Variants in ZNF254 observed in about 807,000 individuals in gnomAD.
ZNF254 encodes the protein zinc finger protein 254.
ZNF254 carries 10 observed loss-of-function variants against 12.4 expected under a neutral mutation model. That is an observed-to-expected ratio of 0.80 (90% CI 0.50 to 1.36). ZNF254 has a LOEUF of 1.36. Among genes scored for constraint, ZNF254 ranks in the 40% most tolerant of loss-of-function variants. The probability of loss-of-function intolerance (pLI) is 0.00; values close to 1 mark genes in which losing one functional copy is unlikely to be tolerated. For synonymous variants in ZNF254, 305 were observed against 253.4 expected, an observed-to-expected ratio of 1.20 and a Z score of -1.93; for missense variants, 996 against 763.9, an observed-to-expected ratio of 1.30 and a Z score of -3.58.
intron 3 of ZNF254, among the ~76,000 whole-genome samples, chr19:24,117,366 T>G (rs1974157249): frequency 6.6e-6 from 1 of 152,182 alleles, no homozygotes; most frequent in Admixed American, 6.5e-5. Flanking sequence ...GCTTCCCGGC[T>G]GCTTTGTTTA....
rs1970259330 is a variant in ZNF254 at position 24,043,561 on chromosome 19, C to A, written c.-189-2623C>A. ...ACAGGCATGAGCCACTGTGCCCGGC[C>A]AAAGCAAAAAATTTTAAGAAACACC... is the stretch of plus-strand genomic sequence containing the variant. On this transcript the variant is annotated intron_variant, in intron 1 of 4. Transcript: ENST00000613065. Among the ~76,000 whole-genome samples, 3 of 151,888 alleles carry A rather than the reference C, an allele frequency of 2.0e-5. No homozygotes were observed. In the South Asian group the frequency reaches 6.2e-4, roughly 32 times the overall value.
chr19:24,068,948 G>A (rs944785253), intron 2 of ZNF254, among the ~76,000 whole-genome samples: 63 of 152,072 alleles, frequency 4.1e-4, no homozygotes, highest in African/African-American at 1.2e-3. Flanking sequence ...ATTCTATAAA[G>A]CCCTCGGGTG....
intron 2 of ZNF254, among the ~76,000 whole-genome samples, chr19:24,068,201 AG>A (rs2145465068): frequency 6.6e-6 from 1 of 152,174 alleles, no homozygotes; most frequent in South Asian, 2.1e-4. Context: ...ATCAGCCACC[AG>A]GTATGTGTCT....
intron 2 of ZNF254, among the ~76,000 whole-genome samples, chr19:24,050,401 C>T (rs1406169436): frequency 6.6e-6 from 1 of 152,146 alleles, no homozygotes; most frequent in African/African-American, 2.4e-5. Context: ...CTCAGCCAGT[C>T]CACCCGCCTT....
intron 2 of ZNF254, among the ~76,000 whole-genome samples, chr19:24,057,805 A>G (rs968299800): frequency 2.6e-5 from 4 of 152,330 alleles, no homozygotes; most frequent in African/African-American, 7.2e-5. Context: ...CTCTCATTCA[A>G]TGATTCAATT....
chr19:24,054,970 C>T (rs1354237474), intron 2 of ZNF254, among the ~76,000 whole-genome samples: 4 of 151,620 alleles, frequency 2.6e-5, no homozygotes, highest in African/African-American at 7.3e-5. Flanking sequence ...TTTGGGAGGC[C>T]GAGGTGGGTG....
chr19:24,126,307 T>C lies in ZNF254; in HGVS notation c.307T>C (p.Ser103Pro), dbSNP rs1421078247. 6.3e-7 allele frequency: 1 copy of C among 1,586,686 alleles called. No homozygotes were observed. The change falls in exon 4 of 4, where the codon TCT (serine) becomes CCT (proline). Residue 103 changes from serine to proline, a missense_variant. Transcript: ENST00000357002. Reference sequence around the variant, plus strand: ...TTGGCCAGAGCAGGGCATGGAAGATTCTTTTCAAAAAGCAATACTGAGAAG... The same window carrying C: ...TTGGCCAGAGCAGGGCATGGAAGATCCTTTTCAAAAAGCAATACTGAGAAG... Reference protein sequence around the residue: ...DLWPEQGMEDSFQKAILRRYG... With the variant: ...DLWPEQGMEDPFQKAILRRYG...
chr19:24,113,884 A>G (rs1340161139), intron 3 of ZNF254, among the ~76,000 whole-genome samples: 2 of 152,098 alleles, frequency 1.3e-5, no homozygotes, highest in African/African-American at 4.8e-5. Context: ...ATTCTTATAC[A>G]CCAATAACAG....
Position 24,127,161 on chromosome 19 carries a change from T to G in ZNF254, c.1161T>G (p.Phe387Leu). 1 of 1,613,612 alleles carries G rather than the reference T, an allele frequency of 6.2e-7. No individual in the cohort carries two copies. The highest frequency in any genetic ancestry group is 8.5e-7 in the Non-Finnish European group (1 of 1,179,822). Residue 387 changes from phenylalanine to leucine, a missense_variant, in exon 4 of 4, where the codon TTT becomes TTG. Transcript: ENST00000357002. Reference protein sequence around the residue: ...RYKCLECGKAFKQLSTLTTHK... With the variant: ...RYKCLECGKALKQLSTLTTHK... ...AATGCTTAGAATGTGGCAAAGCTTT[T>G]AAGCAACTCTCAACTCTTACTACAC... is the stretch of plus-strand genomic sequence containing the variant.
chr19:24,042,298 C>G (rs552437555), intron 1 of ZNF254, among the ~76,000 whole-genome samples: 1 of 152,270 alleles, frequency 6.6e-6, no homozygotes, highest in Admixed American at 6.5e-5. Flanking sequence ...AGCGCCCTGA[C>G]AAAACAGGCC....
chr19:24,116,454 T>C (rs531100136), intron 3 of ZNF254, among the ~76,000 whole-genome samples: 35 of 152,226 alleles, frequency 2.3e-4, no homozygotes, highest in African/African-American at 7.7e-4. Context: ...TTTCATCTTC[T>C]GTCACTGATA....
chr19:24,102,793 T>C (rs1973112383), intron 1 of ZNF254, among the ~76,000 whole-genome samples: 1 of 152,196 alleles, frequency 6.6e-6, no homozygotes, highest in Non-Finnish European at 1.5e-5. Context: ...AGTCACAAAA[T>C]AGCAAATATA....
chr19:24,123,852 A>G (rs1974650149), intron 3 of ZNF254, among the ~76,000 whole-genome samples: 2 of 152,084 alleles, frequency 1.3e-5, no homozygotes, highest in Non-Finnish European at 1.5e-5. Context: ...TGCCTCTTCC[A>G]GTCTTTTTTT....
rs987889614 is a variant in ZNF254 at position 24,065,085 on chromosome 19, C to G, written c.-94+18806C>G. Among the ~76,000 whole-genome samples, 3 of 152,160 alleles carry G rather than the reference C, an allele frequency of 2.0e-5. No individual in the cohort carries two copies. The South Asian group carries it at 6.2e-4, about 31-fold the overall frequency. ...TGTGACATATCACTGAAACAAACAC[C>G]TAGGGGTTGGAAGGCTTCTGCCTGA... is the stretch of plus-strand genomic sequence containing the variant. On this transcript the variant is annotated intron_variant, in intron 2 of 4. Coordinates refer to the ZNF254 transcript ENST00000613065.
At chr19:24,122,249 G>A (rs947096406) in intron 3 of ZNF254, among the ~76,000 whole-genome samples, 1 of 151,686 alleles carries the variant, frequency 6.6e-6, no homozygotes, top group Non-Finnish European at 1.5e-5. Flanking sequence ...TTTTGAGGTG[G>A]AGTCTTGCTC....
At chr19:24,033,672 C>A (rs1969848395) in intron 1 of ZNF254, 1 of 320,524 alleles carries the variant, frequency 3.1e-6, no homozygotes, top group South Asian at 2.4e-5. Context: ...GCTGTGAAAC[C>A]GGCGGGACTG....
intron 1 of ZNF254, among the ~76,000 whole-genome samples, chr19:24,041,159 C>G (rs1970137414): frequency 6.6e-6 from 1 of 152,254 alleles, no homozygotes; most frequent in South Asian, 2.1e-4. Context: ...GCTGGCAGTC[C>G]TCAGAGCCCT....
chr19:24,090,618 G>A (rs1365417809), intron 1 of ZNF254, among the ~76,000 whole-genome samples: 2 of 152,084 alleles, frequency 1.3e-5, no homozygotes, highest in Non-Finnish European at 2.9e-5. Context: ...TGTAGTTTTA[G>A]TAGAGACAGA....
chr19:24,109,403 A>G (rs949195500), intron 3 of ZNF254, among the ~76,000 whole-genome samples: 1 of 152,188 alleles, frequency 6.6e-6, no homozygotes, highest in African/African-American at 2.4e-5. Context: ...ACTAGATTTT[A>G]TGAGTAAACA....
Sources: allele counts gnomAD v4.1 joint callset (sites outside exome capture counted in the v4.1 genomes callset), GRCh38; gene constraint gnomAD v4.1.1; transcripts MANE v1.5; gene names NCBI Gene and HGNC (gene_info 2026-07-23, HGNC 2026-07-21).